PCED1B: variants seen among roughly 807,000 people sequenced by gnomAD.
PCED1B encodes PC-esterase domain containing 1B.
For missense variants in PCED1B, 573 were observed against 573.9 expected (o/e 1.00, Z 0.02); for synonymous variants, 251 against 246.1 (o/e 1.02, Z -0.19).
In PCED1B at chr12:47,222,139, C is replaced by T. The variant is rs1592311980; in HGVS notation, c.-58+5450C>T. On this transcript the variant is annotated intron_variant, in intron 3 of 3. Coordinates refer to ENST00000546455, the MANE Select transcript of PCED1B (RefSeq NM_138371.3). ...ATTAAAAAAAAAAAAAAAAAAAACG[C>T]CCGGGCGTGGTGGCTCACGCCTGTA... is the stretch of plus-strand genomic sequence containing the variant. 2.3e-5 allele frequency among the ~76,000 whole-genome samples: 3 copies of T among 131,856 alleles called. No individual in the cohort carries two copies. The East Asian group carries it at 6.6e-4, about 29-fold the overall frequency. The allele number at this position is 131,856 out of a possible 152,430, so 86.5% of individuals were successfully genotyped here.
chr12:47,183,375 C>A (rs1018933500), intron 2 of PCED1B, among the ~76,000 whole-genome samples: 1 of 152,094 alleles, frequency 6.6e-6, no homozygotes, highest in South Asian at 2.1e-4. Context: ...AAGTAGAGAC[C>A]TTTTGAGAAA....
At chr12:47,135,025 C>T (rs1341701803) in intron 2 of PCED1B, among the ~76,000 whole-genome samples, 1 of 152,116 alleles carries the variant, frequency 6.6e-6, no homozygotes, top group East Asian at 1.9e-4. Flanking sequence ...ACATACATTA[C>T]AGTATCTTTT....
At position 47,195,689 on chromosome 12, in the gene PCED1B, A is replaced by G. The variant is rs187531589; in HGVS notation, c.-525-20533A>G. ...CACAGCAGCCCCAGTAGAGTTTAATATCAGATATTGAAGTGAGTCAGGAAG... is the reference window on the plus strand; with the variant it reads ...CACAGCAGCCCCAGTAGAGTTTAATGTCAGATATTGAAGTGAGTCAGGAAG... On this transcript the variant is annotated intron_variant, in intron 2 of 3. Coordinates refer to ENST00000546455, the MANE Select transcript of PCED1B (RefSeq NM_138371.3). Among the ~76,000 whole-genome samples the G allele has an allele frequency of 6.7e-4, 102 of 152,356 alleles. 4 individuals are homozygous for G. Among genetic ancestry groups the G allele is most frequent in the East Asian group, 5.8e-3 (30 of 5,192 alleles).
intron 2 of PCED1B, among the ~76,000 whole-genome samples, chr12:47,162,550 A>C (rs1302579865): frequency 1.3e-5 from 2 of 152,220 alleles, no homozygotes; most frequent in African/African-American, 4.8e-5. Context: ...TACAAGAAGC[A>C]TAGTGCCAAT....
chr12:47,090,273 A>T (rs886712540), intron 1 of PCED1B, among the ~76,000 whole-genome samples: 2 of 152,242 alleles, frequency 1.3e-5, no homozygotes, highest in Non-Finnish European at 2.9e-5. Context: ...AACTCATATC[A>T]GAAAGACATT....
intron 2 of PCED1B, among the ~76,000 whole-genome samples, chr12:47,186,679 G>C (rs1173912824): frequency 6.6e-6 from 1 of 152,056 alleles, no homozygotes. Flanking sequence ...GACAAGAAAA[G>C]GTTTTTTCCC....
At chr12:47,199,219 C>T (rs1188570373) in intron 2 of PCED1B, among the ~76,000 whole-genome samples, 1 of 152,062 alleles carries the variant, frequency 6.6e-6, no homozygotes, top group Non-Finnish European at 1.5e-5. Context: ...AGGAAAACTA[C>T]AAAACTGTGA....
At chr12:47,139,603 A>G (rs1473856336) in intron 2 of PCED1B, among the ~76,000 whole-genome samples, 1 of 152,092 alleles carries the variant, frequency 6.6e-6, no homozygotes, top group African/African-American at 2.4e-5. Flanking sequence ...TGGCCAGATC[A>G]TGTGGGATGT....
At chr12:47,179,246 C>T (rs1942022552) in intron 2 of PCED1B, among the ~76,000 whole-genome samples, 1 of 152,156 alleles carries the variant, frequency 6.6e-6, no homozygotes, top group South Asian at 2.1e-4. Flanking sequence ...TATTTAGTTT[C>T]AATTAAGAAA....
In PCED1B at chr12:47,097,978, CA is replaced by C. The variant is rs1938547561; in HGVS notation, c.-608-6132del. 2.0e-5 allele frequency among the ~76,000 whole-genome samples: 3 copies of C among 152,334 alleles called. No individual in the cohort carries two copies. In the South Asian group the frequency reaches 6.2e-4, roughly 32 times the overall value. On this transcript the variant is annotated intron_variant, in intron 1 of 3. Coordinates refer to ENST00000546455, the MANE Select transcript of PCED1B (RefSeq NM_138371.3). ...GACTATTCTTGGTTTTATGCCATAGCAAATAAGGTCTTACCATTTCCAAGTA... is the reference window on the plus strand; with the variant it reads ...GACTATTCTTGGTTTTATGCCATAGCAATAAGGTCTTACCATTTCCAAGTA...
intron 2 of PCED1B, among the ~76,000 whole-genome samples, chr12:47,107,475 A>G (rs1013121857): frequency 6.6e-6 from 1 of 152,256 alleles, no homozygotes; most frequent in Non-Finnish European, 1.5e-5. Context: ...AGTGGGGTGA[A>G]CATGTTGAGA....
intron 1 of PCED1B, among the ~76,000 whole-genome samples, chr12:47,081,013 C>A (rs967031122): frequency 2.6e-5 from 4 of 152,168 alleles, no homozygotes; most frequent in African/African-American, 9.6e-5. Context: ...AGGTGCAAGC[C>A]GAACAAGGCC....
intron 2 of PCED1B, among the ~76,000 whole-genome samples, chr12:47,203,941 A>AGTGTAAAAGCATTCTTTT (rs1192714213): frequency 6.6e-6 from 1 of 152,204 alleles, no homozygotes; most frequent in Non-Finnish European, 1.5e-5. Context: ...GCCCACCAAC[A>AGTGTAAAAGCATTCTTTT]GTGTAAAAGC....
At chr12:47,133,320 T>C (rs1940208854) in intron 2 of PCED1B, among the ~76,000 whole-genome samples, 1 of 152,194 alleles carries the variant, frequency 6.6e-6, no homozygotes, top group South Asian at 2.1e-4. Context: ...TCTGTCCCTA[T>C]CCTAGAAGGA....
chr12:47,090,057 G>A (rs766439175), intron 1 of PCED1B, among the ~76,000 whole-genome samples: 1 of 152,196 alleles, frequency 6.6e-6, no homozygotes. Context: ...ACAGGCGTGA[G>A]CCACAGCAGT....
At chr12:47,100,591 T>C (rs1262437220) in intron 1 of PCED1B, among the ~76,000 whole-genome samples, 5 of 152,248 alleles carry the variant, frequency 3.3e-5, no homozygotes, top group African/African-American at 1.2e-4. Flanking sequence ...GAAACTCAAA[T>C]CAAGTGTACT....
At chr12:47,204,861 C>G (rs539331001) in intron 2 of PCED1B, among the ~76,000 whole-genome samples, 1 of 152,286 alleles carries the variant, frequency 6.6e-6, no homozygotes, top group East Asian at 1.9e-4. Context: ...TCTGGATACT[C>G]TAGTTCAGTT....
chr12:47,120,150 C>T (rs1410580469), intron 2 of PCED1B, among the ~76,000 whole-genome samples: 1 of 151,966 alleles, frequency 6.6e-6, no homozygotes, highest in East Asian at 1.9e-4. Context: ...CACTTCACAC[C>T]CACTAAGATA....
In PCED1B at chr12:47,236,429, G is replaced by A. The variant is rs1199294187; in HGVS notation, c.*67G>A. 13 of 1,418,864 alleles carry A rather than the reference G, an allele frequency of 9.2e-6. No individual in the cohort carries two copies. The highest frequency in any genetic ancestry group is 5.9e-5 in the South Asian group (4 of 67,398). The allele number at this position is 1,418,864 out of a possible 1,614,324, so 87.9% of individuals were successfully genotyped here. Reference sequence around the variant, plus strand: ...ACAGATCTGACACTTCCTTTCCATTGCTTGGCCTGAACAGACTGACCTTGT... The same window carrying A: ...ACAGATCTGACACTTCCTTTCCATTACTTGGCCTGAACAGACTGACCTTGT... On this transcript the variant is annotated 3_prime_UTR_variant, in exon 4 of 4. Transcript: ENST00000546455.
Sources: allele counts gnomAD v4.1 joint callset (sites outside exome capture counted in the v4.1 genomes callset), GRCh38; gene constraint gnomAD v4.1.1; transcripts MANE v1.5; gene names NCBI Gene and HGNC (gene_info 2026-07-23, HGNC 2026-07-21).